Variants in COX15 observed in about 807,000 individuals in gnomAD.
COX15 encodes the protein cytochrome c oxidase assembly factor COX15.
Under a neutral mutation model 51.9 loss-of-function variants are expected in COX15, and 51 were observed. The observed-to-expected ratio is 0.98, with a 90% CI of 0.78 to 1.24. COX15 has a LOEUF of 1.24. COX15 is among the 50% of genes most tolerant of loss of function. COX15 has a pLI of 0.00. For synonymous variants in COX15, 188 were observed against 190.5 expected, an observed-to-expected ratio of 0.99 and a Z score of 0.11; for missense variants, 420 against 501.1, an observed-to-expected ratio of 0.84 and a Z score of 1.55.
intron 6 of COX15, 137 bp from the exon 7 acceptor site, chr10:99,718,637 G>C: frequency 1.1e-6 from 1 of 887,530 alleles, no homozygotes; most frequent in Non-Finnish European, 1.8e-6. Flanking sequence ...ATCTGCAACA[G>C]GAGTTCTCCA....
chr10:99,730,037 T>C (rs2037087172), intron 1 of COX15, among the ~76,000 whole-genome samples: 1 of 152,192 alleles, frequency 6.6e-6, no homozygotes, highest in Non-Finnish European at 1.5e-5. Flanking sequence ...TCTTTCAACA[T>C]TTCTCTCTGG....
rs1250477665 is a variant in COX15, at chr10:99,712,591, A to G, written c.*1996T>C. On this transcript the variant is annotated 3_prime_UTR_variant, in exon 9 of 9. Transcript: ENST00000016171. ...CACTGTATGGAATCTAGGTATATCC[A>G]AGGAAAAATAAACTTAAGATAAGCT... 1.0e-6 allele frequency: 1 copy of G among 984,442 alleles called. No homozygotes were observed. The highest frequency in any genetic ancestry group is 1.2e-6 in the Non-Finnish European group (1 of 829,128). 61.0% of individuals were successfully genotyped at this position (984,442 alleles called of 1,614,324 possible).
chr10:99,710,756 G>A, downstream of COX15: 1 of 985,336 alleles, frequency 1.0e-6, no homozygotes, highest in Non-Finnish European at 1.2e-6. Context: ...ATGATTATCA[G>A]TGTTGATCTC....
rs1239549441 is a variant in COX15, at chr10:99,712,606, TA to T, written c.*1980del. The T allele has an allele frequency of 1.0e-6, 1 of 983,814 alleles. No homozygotes were observed. The highest frequency in any genetic ancestry group is 1.2e-6 in the Non-Finnish European group (1 of 828,602). 60.9% of individuals were successfully genotyped at this position (983,814 alleles called of 1,614,324 possible). ...AGGTATATCCAAGGAAAAATAAACT[TA>T]AGATAAGCTTATTTTCCTTATTTCA... On this transcript the variant is annotated 3_prime_UTR_variant, in exon 9 of 9. Coordinates refer to ENST00000016171, the MANE Select transcript of COX15 (RefSeq NM_078470.6).
chr10:99,718,175 T>G (rs1407450495), intron 7 of COX15, among the ~76,000 whole-genome samples, 171 bp downstream of exon 7: 2 of 152,090 alleles, frequency 1.3e-5, no homozygotes, highest in Non-Finnish European at 2.9e-5. Context: ...GGGTGAATAA[T>G]GAGGACAAAG....
At chr10:99,728,638 G>A (rs111382050) in intron 2 of COX15, among the ~76,000 whole-genome samples, 3,480 of 152,242 alleles carry the variant, frequency 0.023, 75 homozygotes, top group Middle Eastern at 0.044. Context: ...AGATATTCAC[G>A]AATGTTCTAT....
downstream of COX15, among the ~76,000 whole-genome samples, chr10:99,707,656 A>T (rs2036278547): frequency 6.6e-6 from 1 of 152,212 alleles, no homozygotes; most frequent in African/African-American, 2.4e-5. Context: ...GACTCTTGTT[A>T]TTACTGAGAC....
the COX15 span, chr10:99,698,936 G>C: frequency 7.4e-7 from 1 of 1,349,444 alleles, no homozygotes; most frequent in Non-Finnish European, 1.0e-6. Flanking sequence ...CAGGTGCTGT[G>C]CAAAGGGCTT....
At chr10:99,716,050 G>A (rs899302482) in intron 8 of COX15, among the ~76,000 whole-genome samples, 6 of 149,452 alleles carry the variant, frequency 4.0e-5, no homozygotes, top group East Asian at 3.9e-4. Context: ...GGGGTGCAGC[G>A]GTGCGATCTT....
the COX15 span, chr10:99,698,731 T>A: frequency 6.2e-7 from 1 of 1,614,212 alleles, no homozygotes; most frequent in Admixed American, 1.7e-5. Context: ...CTCAATGGCA[T>A]ATATCAATCG....
At chr10:99,710,076 A>G, downstream of COX15, 1 of 985,424 alleles carries the variant, frequency 1.0e-6, no homozygotes, top group Non-Finnish European at 1.2e-6. Flanking sequence ...GCATAAAGAC[A>G]TGTCTGCTCC....
downstream of COX15, chr10:99,706,132 A>T (rs1003129883): frequency 6.6e-6 from 1 of 152,200 alleles, no homozygotes; most frequent in African/African-American, 2.4e-5. Flanking sequence ...ACAAAAGTAG[A>T]ATTCTTCAAA....
At chr10:99,709,334 A>G, downstream of COX15, 2 of 985,386 alleles carry the variant, frequency 2.0e-6, no homozygotes, top group African/African-American at 3.5e-5. Flanking sequence ...ATGTGGTGTA[A>G]TGTTGATTGG....
downstream of COX15, chr10:99,710,089 A>G (rs2036335004): frequency 1.0e-6 from 1 of 985,236 alleles, no homozygotes; most frequent in Admixed American, 6.2e-5. Flanking sequence ...TCTGCTCCTG[A>G]GCCTCTTCTT....
chr10:99,725,887 G>A (rs1341800887), intron 4 of COX15, among the ~76,000 whole-genome samples: 1 of 152,166 alleles, frequency 6.6e-6, no homozygotes, highest in Admixed American at 6.5e-5. Context: ...TACCACTTCT[G>A]AGTTAAATTA....
At position 99,712,385 on chromosome 10, in the gene COX15, A is replaced by G; in HGVS notation, c.*2202T>C. On this transcript the variant is annotated 3_prime_UTR_variant, in exon 9 of 9. Transcript: ENST00000016171. The stretch of plus-strand genomic sequence containing the variant: ...TTTAAAATCTTGAAATTAGTTCCCA[A>G]CACTTAATTGAGAGCTTTCACAGAA... 1 of 985,412 alleles carries G rather than the reference A, an allele frequency of 1.0e-6. No homozygotes were observed. The highest frequency in any genetic ancestry group is 1.2e-6 in the Non-Finnish European group (1 of 829,922). 61.0% of individuals were successfully genotyped at this position (985,412 alleles called of 1,614,324 possible).
the COX15 span, chr10:99,697,494 G>C: frequency 6.2e-6 from 1 of 162,060 alleles, no homozygotes; most frequent in African/African-American, 2.4e-5. Flanking sequence ...CCCATGCGTT[G>C]GTATTTTCTT....
At chr10:99,707,929 G>C (rs2036284253), downstream of COX15, among the ~76,000 whole-genome samples, 1 of 152,112 alleles carries the variant, frequency 6.6e-6, no homozygotes, top group Non-Finnish European at 1.5e-5. Context: ...ACAAATTCAG[G>C]GGGTACAAGT....
the COX15 span, chr10:99,704,688 G>C: frequency 4.3e-6 from 7 of 1,610,980 alleles, no homozygotes; most frequent in East Asian, 1.6e-4. Context: ...CCGTGAGGCT[G>C]GACCAGGACT....
Sources: gnomAD v4.1 joint callset for allele counts (sites outside exome capture counted in the v4.1 genomes callset) on GRCh38, gnomAD v4.1.1 for gene constraint, MANE v1.5 for transcripts, NCBI Gene and HGNC (gene_info 2026-07-23, HGNC 2026-07-21) for gene names.